Variants in XXYLT1 observed in about 807,000 individuals in gnomAD.
XXYLT1 encodes the protein UDP-xylose:alpha-xyloside alpha-1,3-xylosyltransferase.
Under a neutral mutation model 28.9 loss-of-function variants are expected in XXYLT1, and 20 were observed. That is an observed-to-expected ratio of 0.69 (90% CI 0.49 to 1.00). The LOEUF (loss-of-function observed/expected upper bound fraction) is 1.00, where lower values mean the gene tolerates loss of function less well. XXYLT1 is among the 50% of genes least tolerant of loss of function. The probability of loss-of-function intolerance (pLI) is 0.00; values close to 1 mark genes in which losing one functional copy is unlikely to be tolerated. For missense variants in XXYLT1, 542 were observed against 560.1 expected, an observed-to-expected ratio of 0.97 and a Z score of 0.33; for synonymous variants, 257 against 253.8, an observed-to-expected ratio of 1.01 and a Z score of -0.12.
Position 195,131,651 on chromosome 3 carries a change from C to T in XXYLT1, c.785+24798G>A, listed in dbSNP as rs867794572. On this transcript the variant is annotated intron_variant, in intron 3 of 3. Coordinates refer to ENST00000310380, the MANE Select transcript of XXYLT1 (RefSeq NM_152531.5). Reference sequence around the variant, plus strand: ...ACTGAGAACTGAGAACCTCCTTCTGCGAAGACCACTCTCAGAGCACAAGCA... The same window carrying T: ...ACTGAGAACTGAGAACCTCCTTCTGTGAAGACCACTCTCAGAGCACAAGCA... Among the ~76,000 whole-genome samples, 3 of 152,264 alleles carry T rather than the reference C, an allele frequency of 2.0e-5. 1 individual carries two copies. Among genetic ancestry groups the T allele is most frequent in the South Asian group, 4.1e-4 (2 of 4,820 alleles).
chr3:195,074,086 T>A (rs1479898379), intron 3 of XXYLT1, among the ~76,000 whole-genome samples: 2 of 145,016 alleles, frequency 1.4e-5, no homozygotes, highest in African/African-American at 2.9e-5. Context: ...CTCTTCGTGA[T>A]TTTTTTTCTC....
At chr3:195,085,343 C>G (rs1715660667) in intron 3 of XXYLT1, among the ~76,000 whole-genome samples, 1 of 152,190 alleles carries the variant, frequency 6.6e-6, no homozygotes, top group African/African-American at 2.4e-5. Flanking sequence ...CCACCCCTGG[C>G]CCTGCCGCTC....
rs1725534647 is a variant in XXYLT1 at position 195,257,767 on chromosome 3, C to A, written c.504+12788G>T. On this transcript the variant is annotated intron_variant, in intron 1 of 3. Transcript: ENST00000310380. This position sits in a 1 kb window ranked among gnomAD's most constrained non-coding sequence, Gnocchi z 4.3. ...GCCCCCCTCTGCCCCATCTTCTGGTCATGACTCTCCTGCCAGGGACAGAAG... is the reference window on the plus strand; with the variant it reads ...GCCCCCCTCTGCCCCATCTTCTGGTAATGACTCTCCTGCCAGGGACAGAAG... 6.6e-6 allele frequency among the ~76,000 whole-genome samples: 1 copy of A among 152,134 alleles called. No individual in the cohort carries two copies. The highest frequency in any genetic ancestry group is 1.5e-5 in the Non-Finnish European group (1 of 68,004).
intron 2 of XXYLT1, among the ~76,000 whole-genome samples, chr3:195,185,579 A>G (rs370740133): frequency 1.4e-5 from 2 of 139,996 alleles, no homozygotes; most frequent in African/African-American, 5.4e-5. Flanking sequence ...ATTTGTGCTG[A>G]TTTATAAAAA....
intron 2 of XXYLT1, among the ~76,000 whole-genome samples, chr3:195,169,246 G>C: frequency 6.6e-6 from 1 of 152,368 alleles, no homozygotes; most frequent in East Asian, 1.9e-4. Context: ...TGAGGTTCAG[G>C]CTCCATCCCG....
intron 3 of XXYLT1, among the ~76,000 whole-genome samples, chr3:195,093,259 A>G (rs1716214257): frequency 1.1e-5 from 1 of 93,452 alleles, no homozygotes; most frequent in Non-Finnish European, 1.9e-5. Flanking sequence ...TATTCACAAT[A>G]GCAAAGACTT....
chr3:195,241,883 T>C (rs894298758), intron 1 of XXYLT1, among the ~76,000 whole-genome samples: 2 of 152,146 alleles, frequency 1.3e-5, no homozygotes, highest in African/African-American at 2.4e-5. Context: ...GTCCTGGCTA[T>C]TGCATGACCA....
At chr3:195,179,340 C>CA (rs1186873074) in intron 2 of XXYLT1, among the ~76,000 whole-genome samples, 102 of 80,344 alleles carry the variant, frequency 1.3e-3, no homozygotes, top group East Asian at 2.5e-3. Flanking sequence ...GACACCGTCT[C>CA]AAAAAAAAAA....
At position 195,195,406 on chromosome 3, in the gene XXYLT1, T is replaced by C. The variant is rs1355129023; in HGVS notation, c.652+31303A>G. ...CTTCCCCAGGGGTGACCACCACGGATTCCTTCCTCAGAGTCGCTCAGGCGC... is the reference window on the plus strand; with the variant it reads ...CTTCCCCAGGGGTGACCACCACGGACTCCTTCCTCAGAGTCGCTCAGGCGC... On this transcript the variant is annotated intron_variant, in intron 2 of 3. Coordinates refer to ENST00000310380, the MANE Select transcript of XXYLT1 (RefSeq NM_152531.5). The surrounding 1 kb of genome is among the most constrained non-coding windows in gnomAD (Gnocchi z 4.4). 2.0e-5 allele frequency among the ~76,000 whole-genome samples: 3 copies of C among 152,200 alleles called. No individual in the cohort carries two copies. Among genetic ancestry groups the C allele is most frequent in the Non-Finnish European group, 2.9e-5 (2 of 68,038 alleles).
intron 2 of XXYLT1, among the ~76,000 whole-genome samples, chr3:195,188,979 C>T (rs1241404407): frequency 6.6e-6 from 1 of 152,168 alleles, no homozygotes; most frequent in African/African-American, 2.4e-5. Flanking sequence ...TTTCTTTGAG[C>T]CTCATTTTCC....
At chr3:195,252,717 C>CAGAGAGAGAGAGAG (rs1309512804) in intron 1 of XXYLT1, among the ~76,000 whole-genome samples, 5 of 139,492 alleles carry the variant, frequency 3.6e-5, no homozygotes, top group African/African-American at 1.5e-4. Flanking sequence ...CACACACACA[C>CAGAGAGAGAGAGAG]ACACACACAC....
At chr3:195,153,253 G>T (rs548390082) in intron 3 of XXYLT1, among the ~76,000 whole-genome samples, 1 of 152,328 alleles carries the variant, frequency 6.6e-6, no homozygotes, top group Admixed American at 6.5e-5. Flanking sequence ...GAGGTCCCCA[G>T]TCTTCTTGTG....
At chr3:195,252,723 CACACAG>C (rs1324235605) in intron 1 of XXYLT1, among the ~76,000 whole-genome samples, 71 of 129,304 alleles carry the variant, frequency 5.5e-4, no homozygotes, top group East Asian at 3.0e-3. Context: ...CACACACACA[CACACAG>C]AGAGAGAGAG....
intron 3 of XXYLT1, among the ~76,000 whole-genome samples, chr3:195,142,288 T>C (rs1364847981): frequency 6.6e-6 from 1 of 152,248 alleles, no homozygotes; most frequent in East Asian, 1.9e-4. Flanking sequence ...ATGGTAACTA[T>C]TTCTCATGAT....
chr3:195,130,285 C>A (rs2108628101), intron 3 of XXYLT1, among the ~76,000 whole-genome samples: 1 of 152,280 alleles, frequency 6.6e-6, no homozygotes, highest in Admixed American at 6.5e-5. Context: ...CTGGAGCTGG[C>A]TTTGAAGTGA....
chr3:195,243,781 T>C (rs752668655), intron 1 of XXYLT1, among the ~76,000 whole-genome samples: 2 of 152,182 alleles, frequency 1.3e-5, no homozygotes, highest in Non-Finnish European at 2.9e-5. Flanking sequence ...ACGTGCAGTT[T>C]TTACAAGGAA....
intron 2 of XXYLT1, among the ~76,000 whole-genome samples, chr3:195,208,708 G>A (rs1342264108): frequency 1.3e-5 from 2 of 152,124 alleles, no homozygotes; most frequent in Non-Finnish European, 2.9e-5. Flanking sequence ...ACCAAAAGAT[G>A]GGTCCCAGAG....
intron 1 of XXYLT1, among the ~76,000 whole-genome samples, chr3:195,254,613 C>T (rs937335174): frequency 1.3e-5 from 2 of 152,260 alleles, no homozygotes; most frequent in East Asian, 1.9e-4. Context: ...TCAGGGGCAG[C>T]CACCTGCGCC....
intron 3 of XXYLT1, among the ~76,000 whole-genome samples, chr3:195,075,122 T>G (rs1715041393): frequency 6.6e-6 from 1 of 152,072 alleles, no homozygotes; most frequent in Non-Finnish European, 1.5e-5. Context: ...CATGGTGGCG[T>G]GCGCCTGTAA....
Sources: gnomAD v4.1 joint callset for allele counts (sites outside exome capture counted in the v4.1 genomes callset) on GRCh38, gnomAD v4.1.1 for gene constraint, Gnocchi (gnomAD v3.1) non-coding constraint, MANE v1.5 for transcripts, NCBI Gene and HGNC (gene_info 2026-07-23, HGNC 2026-07-21) for gene names.